Variants in EIF4G3 observed in about 807,000 individuals in gnomAD.
EIF4G3 encodes the protein eukaryotic translation initiation factor 4 gamma 3.
A neutral mutation model predicts 186.4 loss-of-function variants in EIF4G3; 34 were observed. That is an observed-to-expected ratio of 0.18 (90% CI 0.14 to 0.24). The LOEUF (loss-of-function observed/expected upper bound fraction) is 0.24. EIF4G3 is among the 10% of genes least tolerant of loss of function. The pLI, the probability that EIF4G3 is intolerant of heterozygous loss-of-function variation, is 1.00. For synonymous variants in EIF4G3, 673 were observed against 679.5 expected, an observed-to-expected ratio of 0.99 and a Z score of 0.15; for missense variants, 1,536 against 1,948.5, an observed-to-expected ratio of 0.79 and a Z score of 3.99.
chr1:21,050,739 C>T, intron 4 of EIF4G3, 127 bp downstream of exon 4: 1 of 587,200 alleles, frequency 1.7e-6, no homozygotes, highest in East Asian at 3.2e-5. Context: ...TGAAAAGATG[C>T]CAAAGACAAA....
intron 31 of EIF4G3, 108 bp from the exon 32 acceptor site, chr1:20,827,806 A>C: frequency 1.6e-6 from 1 of 614,124 alleles, no homozygotes; most frequent in East Asian, 2.9e-5. Flanking sequence ...AACCTACATA[A>C]TACTGGGCAA....
Position 21,136,433 on chromosome 1 carries a change from C to CT in EIF4G3, c.-272+39741dup, listed in dbSNP as rs1303074443. On this transcript the variant is annotated intron_variant, in intron 2 of 36. Transcript: ENST00000602326. ...TCTGGAGGCTGAGGCAGGAGAATTG[C>CT]TTTAACCTGGGAGGCGGAGGTTGCA... Among the ~76,000 whole-genome samples, 5 of 151,966 alleles carry CT rather than the reference C, an allele frequency of 3.3e-5. No individual in the cohort carries two copies. In the East Asian group the frequency reaches 9.6e-4, roughly 29 times the overall value.
At chr1:20,866,151 C>T (rs917969619) in intron 20 of EIF4G3, among the ~76,000 whole-genome samples, 1 of 152,114 alleles carries the variant, frequency 6.6e-6, no homozygotes, top group South Asian at 2.1e-4. Context: ...ATGGTCTTTG[C>T]CCTAGGTATA....
chr1:20,952,184 C>G (rs1573417158), intron 12 of EIF4G3, among the ~76,000 whole-genome samples: 1 of 131,080 alleles, frequency 7.6e-6, no homozygotes, highest in East Asian at 2.2e-4. Context: ...GAGACGGAGT[C>G]TTGCTCTGTC....
intron 20 of EIF4G3, among the ~76,000 whole-genome samples, chr1:20,878,204 G>A (rs1408939806): frequency 6.6e-6 from 1 of 152,042 alleles, no homozygotes; most frequent in African/African-American, 2.4e-5. Context: ...TAAACCTAGA[G>A]CTGTGACTCC....
chr1:21,157,614 G>C (rs1159586396), intron 2 of EIF4G3, among the ~76,000 whole-genome samples: 2 of 152,030 alleles, frequency 1.3e-5, no homozygotes, highest in Admixed American at 6.6e-5. Flanking sequence ...GGGATTACAG[G>C]TGTGAGCCAC....
chr1:21,032,871 T>C (rs1338727432), intron 4 of EIF4G3, among the ~76,000 whole-genome samples: 2 of 152,196 alleles, frequency 1.3e-5, no homozygotes, highest in East Asian at 3.8e-4. Context: ...AAAGCTGGCA[T>C]ACATAAACCA....
At chr1:21,171,217 G>A (rs2097959790) in intron 2 of EIF4G3, among the ~76,000 whole-genome samples, 1 of 152,076 alleles carries the variant, frequency 6.6e-6, no homozygotes, top group Admixed American at 6.6e-5. Flanking sequence ...TCATATGCGT[G>A]GCTAATAATC....
At chr1:21,145,442 T>C (rs2097422693) in intron 2 of EIF4G3, among the ~76,000 whole-genome samples, 1 of 152,018 alleles carries the variant, frequency 6.6e-6, no homozygotes, top group Non-Finnish European at 1.5e-5. Context: ...TGCCTTTTTT[T>C]TTTTTAAGAG....
At chr1:21,016,582 G>A (rs1462919341) in intron 4 of EIF4G3, among the ~76,000 whole-genome samples, 1 of 152,086 alleles carries the variant, frequency 6.6e-6, no homozygotes, top group Non-Finnish European at 1.5e-5. Context: ...TACTCCAGAG[G>A]CTGAAGGTCA....
At chr1:21,080,801 C>G (rs2095754062) in intron 3 of EIF4G3, among the ~76,000 whole-genome samples, 1 of 152,158 alleles carries the variant, frequency 6.6e-6, no homozygotes, top group South Asian at 2.1e-4. Context: ...AGCCACCGGG[C>G]CCAGCTGTGA....
chr1:21,121,314 T>C (rs2096920873), intron 2 of EIF4G3, among the ~76,000 whole-genome samples: 1 of 152,258 alleles, frequency 6.6e-6, no homozygotes. Flanking sequence ...AAATACTTCC[T>C]ATATTATTTC....
chr1:20,864,425 T>G, intron 22 of EIF4G3, 51 bp downstream of exon 22: 1 of 1,335,888 alleles, frequency 7.5e-7, no homozygotes, highest in East Asian at 2.3e-5. Flanking sequence ...TAAGTTCTTT[T>G]GCAACTGACA....
intron 3 of EIF4G3, among the ~76,000 whole-genome samples, chr1:21,056,039 A>T (rs2094548024): frequency 6.6e-6 from 1 of 152,174 alleles, no homozygotes; most frequent in African/African-American, 2.4e-5. Context: ...GAGAAAAAGC[A>T]TTGTGCCAAA....
At chr1:21,012,746 GGAC>G (rs1348712751) in intron 4 of EIF4G3, among the ~76,000 whole-genome samples, 1 of 152,184 alleles carries the variant, frequency 6.6e-6, no homozygotes, top group Non-Finnish European at 1.5e-5. Context: ...CCACTTGGAT[GGAC>G]AGAACAACAT....
At chr1:21,131,693 A>G (rs1262012769) in intron 2 of EIF4G3, among the ~76,000 whole-genome samples, 1 of 152,186 alleles carries the variant, frequency 6.6e-6, no homozygotes, top group Admixed American at 6.6e-5. Flanking sequence ...CTACTTTAAA[A>G]GAGTGTGGCT....
chr1:21,156,872 C>T (rs147748401), intron 2 of EIF4G3, among the ~76,000 whole-genome samples: 78 of 152,064 alleles, frequency 5.1e-4, no homozygotes, highest in African/African-American at 1.8e-3. Flanking sequence ...CCCAGGAGTT[C>T]AAGACCAGGC....
intron 2 of EIF4G3, among the ~76,000 whole-genome samples, chr1:21,093,171 G>A (rs183387627): frequency 2.0e-5 from 3 of 152,194 alleles, no homozygotes; most frequent in Admixed American, 2.0e-4. Context: ...GCAACCTACA[G>A]AATGGAAGAA....
intron 3 of EIF4G3, among the ~76,000 whole-genome samples, chr1:21,063,594 C>CTT (rs568440999): frequency 6.8e-6 from 1 of 146,658 alleles, no homozygotes; most frequent in Non-Finnish European, 1.5e-5. Flanking sequence ...GCACTAATAA[C>CTT]TTTTTTTTTT....
Sources: gnomAD v4.1 joint callset for allele counts (sites outside exome capture counted in the v4.1 genomes callset) on GRCh38, gnomAD v4.1.1 for gene constraint, MANE v1.5 for transcripts, NCBI Gene and HGNC (gene_info 2026-07-23, HGNC 2026-07-21) for gene names.